The following MSANTD2 variants were observed in gnomAD, a reference collection of about 807,000 sequenced individuals.
MSANTD2 encodes the protein Myb/SANT DNA binding domain containing 2.
A neutral mutation model predicts 52.6 loss-of-function variants in MSANTD2; 19 were observed. The observed-to-expected ratio is 0.36, with a 90% CI of 0.25 to 0.53. The LOEUF (loss-of-function observed/expected upper bound fraction) is 0.53, where lower values mean the gene tolerates loss of function less well. Ranked by LOEUF, MSANTD2 falls within the 20% of genes least tolerant of loss-of-function variation. MSANTD2 has a pLI of 0.91. For synonymous variants in MSANTD2, 291 were observed against 289.7 expected, an observed-to-expected ratio of 1.00 and a Z score of -0.04; for missense variants, 558 against 716.3, an observed-to-expected ratio of 0.78 and a Z score of 2.52.
chr11:124,783,146 A>C (rs1183172926), intron 1 of MSANTD2, among the ~76,000 whole-genome samples: 2 of 152,158 alleles, frequency 1.3e-5, no homozygotes, highest in African/African-American at 4.8e-5. Context: ...AAACAGAATG[A>C]CCACCACAAA....
At chr11:124,785,558 C>T (rs1281351054) in intron 1 of MSANTD2, among the ~76,000 whole-genome samples, 1 of 152,190 alleles carries the variant, frequency 6.6e-6, no homozygotes, top group African/African-American at 2.4e-5. Flanking sequence ...GGTATTTCAG[C>T]ACTGACCAGT....
rs767326883 is a variant in MSANTD2 at position 124,774,764 on chromosome 11, T to C, written c.721A>G (p.Asn241Asp). The change falls in exon 2 of 4, where the codon AAC becomes GAC. Residue 241 changes from asparagine to aspartate, a missense_variant. Physicochemically the swap from Asn to Asp is conservative, Grantham distance 23. Around this residue, in one of 2 missense-constraint regions of MSANTD2, gnomAD observed 408 missense variants for 573.6 expected, o/e 0.71. Transcript: ENST00000374979. This position sits in a 1 kb window ranked among gnomAD's most constrained non-coding sequence, Gnocchi z 5.1. ...MEDYSQEDWGNHSQDLHGYPT... is the reference protein window; with the variant it reads ...MEDYSQEDWGDHSQDLHGYPT... ...TAGCCATGGAGATCCTGACTGTGGT[T>C]TCCCCAGTCCTCCTGTGAATAGTCC... 1 of 1,614,112 alleles carries C rather than the reference T, an allele frequency of 6.2e-7. No individual in the cohort carries two copies. Among genetic ancestry groups the C allele is most frequent in the East Asian group, 2.2e-5 (1 of 44,894 alleles).
In MSANTD2 at chr11:124,767,967, G is replaced by T; in HGVS notation, c.889C>A (p.Leu297Ile). 1 of 1,614,032 alleles carries T rather than the reference G, an allele frequency of 6.2e-7. No individual in the cohort carries two copies. The highest frequency in any genetic ancestry group is 8.5e-7 in the Non-Finnish European group (1 of 1,179,936). The change falls in exon 4 of 4, where the codon CTT becomes ATT. Residue 297 changes from leucine (L) to isoleucine (I), a missense_variant. Leu to Ile is a conservative substitution (Grantham distance 5). Around this residue, in one of 2 missense-constraint regions of MSANTD2, gnomAD observed 408 missense variants for 573.6 expected, o/e 0.71. Transcript: ENST00000374979. This position sits in a 1 kb window ranked among gnomAD's most constrained non-coding sequence, Gnocchi z 6.5. Reference sequence around the variant, plus strand: ...GAAAAGTCTGTCCAGCTCTGAAAAAGTTCCCATTTCAACTGTACCGATTCC... The same window carrying T: ...GAAAAGTCTGTCCAGCTCTGAAAAATTTCCCATTTCAACTGTACCGATTCC... ...ILESVQLKWE[L>I]FQSWTDFSRL... is the part of the protein sequence containing the mutation.
At chr11:124,772,823 T>C (rs1944586304) in intron 3 of MSANTD2, among the ~76,000 whole-genome samples, 171 bp downstream of exon 3, 1 of 151,584 alleles carries the variant, frequency 6.6e-6, no homozygotes, top group Non-Finnish European at 1.5e-5. Flanking sequence ...ATGTTTGTGA[T>C]GCTTTCTAAT....
chr11:124,767,547 G>A lies in MSANTD2; in HGVS notation c.1309C>T (p.Pro437Ser), dbSNP rs369300350. The change falls in exon 4 of 4, where the codon CCA becomes TCA. Residue 437 changes from proline (P) to serine (S), a missense_variant. Pro to Ser is a moderately conservative substitution (Grantham distance 74, BLOSUM62 -1). This residue lies in a region of MSANTD2 where 408 missense variants were observed against 573.6 expected (regional missense o/e 0.71). Coordinates refer to ENST00000374979, the MANE Select transcript of MSANTD2 (RefSeq NM_001308027.2). The surrounding 1 kb of genome is among the most constrained non-coding windows in gnomAD (Gnocchi z 6.5). Reference sequence around the variant, plus strand: ...TCCAGGGAACTTTGCTCCATGTGTGGTGAGAGGGGCCTCTCAATACATTCT... The same window carrying A: ...TCCAGGGAACTTTGCTCCATGTGTGATGAGAGGGGCCTCTCAATACATTCT... ...YEECIERPLS[P>S]HMEQSSLDPG... 5 of 1,614,056 alleles carry A rather than the reference G, an allele frequency of 3.1e-6. No homozygotes were observed. Among genetic ancestry groups the A allele is most frequent in the Non-Finnish European group, 3.4e-6 (4 of 1,180,036 alleles).
chr11:124,797,876 C>T (rs138569113), intron 1 of MSANTD2, among the ~76,000 whole-genome samples: 1 of 152,246 alleles, frequency 6.6e-6, no homozygotes, highest in African/African-American at 2.4e-5. Flanking sequence ...TTATCCTTCT[C>T]ATAACTGGAC....
At chr11:124,798,528 C>T (rs1311650471) in intron 1 of MSANTD2, among the ~76,000 whole-genome samples, 1 of 152,190 alleles carries the variant, frequency 6.6e-6, no homozygotes, top group East Asian at 1.9e-4. Context: ...TTATCAAATA[C>T]ACTAATTTAA....
chr11:124,782,309 G>A (rs929604690), intron 1 of MSANTD2, among the ~76,000 whole-genome samples: 1 of 151,556 alleles, frequency 6.6e-6, no homozygotes, highest in Non-Finnish European at 1.5e-5. Flanking sequence ...AAATTAGTCT[G>A]GGTGTGGTGG....
intron 1 of MSANTD2, among the ~76,000 whole-genome samples, chr11:124,782,108 G>A (rs144686233): frequency 6.6e-6 from 1 of 152,266 alleles, no homozygotes; most frequent in East Asian, 1.9e-4. Context: ...CACTAAAGGT[G>A]GGTGGAATTG....
rs57859579 is a variant in MSANTD2 at position 124,772,742 on chromosome 11, C to CAAA, written c.827+249_827+251dup. 4.8e-4 allele frequency among the ~76,000 whole-genome samples: 28 copies of CAAA among 57,910 alleles called. 1 individual carries two copies. The highest frequency in any genetic ancestry group is 8.2e-4 in the Admixed American group (3 of 3,648). 38.0% of individuals were successfully genotyped at this position (57,910 alleles called of 152,430 possible). A position where few individuals can be genotyped will look rare whatever the true frequency, so the allele number is the denominator to read the frequency against. On this transcript the variant is annotated intron_variant, in intron 3 of 3. Coordinates refer to ENST00000374979, the MANE Select transcript of MSANTD2 (RefSeq NM_001308027.2). ...ACAGAGCGAGAGCGAGATTCCGTCTCAAAAAAAAAAAAAAAAAAAAAAAAA... is the reference window on the plus strand; with the variant it reads ...ACAGAGCGAGAGCGAGATTCCGTCTCAAAAAAAAAAAAAAAAAAAAAAAAAAAA...
intron 1 of MSANTD2, chr11:124,784,200 A>G: frequency 1.0e-6 from 1 of 985,248 alleles, no homozygotes; most frequent in Non-Finnish European, 1.2e-6. Context: ...GACTGGGATT[A>G]GAGGCTATTT....
At chr11:124,770,631 A>G (rs1944481030) in intron 3 of MSANTD2, among the ~76,000 whole-genome samples, 1 of 151,732 alleles carries the variant, frequency 6.6e-6, no homozygotes, top group Admixed American at 6.6e-5. Flanking sequence ...TTCGAGACAG[A>G]GTCTTACTCT....
At position 124,767,730 on chromosome 11, in the gene MSANTD2, A is replaced by C. The variant is rs766666511; in HGVS notation, c.1126T>G (p.Leu376Val). The change falls in exon 4 of 4, where the codon TTA (leucine) becomes GTA (valine). Residue 376 changes from leucine to valine, a missense_variant. This residue lies in a region of MSANTD2 where 408 missense variants were observed against 573.6 expected (regional missense o/e 0.71). Transcript: ENST00000374979. The surrounding 1 kb of genome is among the most constrained non-coding windows in gnomAD (Gnocchi z 6.5). ...CTAGCTTCGCTAATAGTGATCTCTA[A>C]AAATTTGTAGTAAACATTTTTCCAG... ...MNWKNVYYKFLEITISEARCL... is the reference protein window; with the variant it reads ...MNWKNVYYKFVEITISEARCL... 1 of 1,614,208 alleles carries C rather than the reference A, an allele frequency of 6.2e-7. No homozygotes were observed. The highest frequency in any genetic ancestry group is 2.2e-5 in the East Asian group (1 of 44,892).
At chr11:124,795,082 T>C (rs1036399102) in intron 1 of MSANTD2, among the ~76,000 whole-genome samples, 4 of 152,118 alleles carry the variant, frequency 2.6e-5, no homozygotes, top group Admixed American at 1.3e-4. Flanking sequence ...TGTCACCACG[T>C]TGTCCACGCT....
intron 1 of MSANTD2, among the ~76,000 whole-genome samples, chr11:124,787,668 T>C (rs189431599): frequency 3.0e-4 from 46 of 152,360 alleles, no homozygotes; most frequent in African/African-American, 1.1e-3. Flanking sequence ...ACATGTGAAC[T>C]CTATAGGTAA....
chr11:124,789,622 T>C (rs1184126505), intron 1 of MSANTD2: 9 of 152,172 alleles, frequency 5.9e-5, no homozygotes, highest in African/African-American at 2.2e-4. Flanking sequence ...CTCACTTGAT[T>C]AGTGCCAAGA....
At chr11:124,770,710 ATTC>A (rs1246383209) in intron 3 of MSANTD2, among the ~76,000 whole-genome samples, 1 of 151,254 alleles carries the variant, frequency 6.6e-6, no homozygotes, top group Admixed American at 6.6e-5. Flanking sequence ...GGTTCAAGCA[ATTC>A]TTGTGCCTCA....
rs768268977 is a variant in MSANTD2 at position 124,800,067 on chromosome 11, G to A, written c.314C>T (p.Thr105Met). 2 of 1,536,830 alleles carry A rather than the reference G, an allele frequency of 1.3e-6. No homozygotes were observed. Among genetic ancestry groups the A allele is most frequent in the South Asian group, 1.2e-5 (1 of 83,704 alleles). ...GATGAGCGCGTTCGTCTCGGCTGGCGTCCACGACATGCCCCGGCAGGCGGC... is the reference window on the plus strand; with the variant it reads ...GATGAGCGCGTTCGTCTCGGCTGGCATCCACGACATGCCCCGGCAGGCGGC... ...AAAACRGMSW[T>M]PAETNALIAV... Residue 105 changes from threonine to methionine, a missense_variant, in exon 1 of 4, where the codon ACG becomes ATG. Around this residue, in one of 2 missense-constraint regions of MSANTD2, gnomAD observed 408 missense variants for 573.6 expected, o/e 0.71. Coordinates refer to ENST00000374979, the MANE Select transcript of MSANTD2 (RefSeq NM_001308027.2). The surrounding 1 kb of genome is among the most constrained non-coding windows in gnomAD (Gnocchi z 4.3).
At position 124,767,445 on chromosome 11, in the gene MSANTD2, G is replaced by T. The variant is rs535125537; in HGVS notation, c.1411C>A (p.Arg471=). The T allele has an allele frequency of 1.9e-6, 3 of 1,614,118 alleles. No homozygotes were observed. The African/African-American group carries it at 4.0e-5, about 22-fold the overall frequency. ...ASLQVEIEPT[R]IIYCYLGIAE... is the part of the protein sequence containing the mutation. ...ATCCCGAGGTAGCAATAGATAATTCGGGTGGGTTCTATTTCCACCTGTAAT... is the reference window on the plus strand; with the variant it reads ...ATCCCGAGGTAGCAATAGATAATTCTGGTGGGTTCTATTTCCACCTGTAAT... The change falls in exon 4 of 4, where the codon CGA becomes AGA. Residue 471 remains arginine (R), a synonymous_variant. Coordinates refer to ENST00000374979, the MANE Select transcript of MSANTD2 (RefSeq NM_001308027.2). The surrounding 1 kb of genome is among the most constrained non-coding windows in gnomAD (Gnocchi z 6.5).
Sources: gnomAD v4.1 joint callset for allele counts (sites outside exome capture counted in the v4.1 genomes callset) on GRCh38, gnomAD v4.1.1 for gene constraint, gnomAD v4.1.1 regional missense constraint, Gnocchi (gnomAD v3.1) non-coding constraint, MANE v1.5 for transcripts, NCBI Gene and HGNC (gene_info 2026-07-23, HGNC 2026-07-21) for gene names.